Variants in MSRA observed in about 807,000 individuals in gnomAD.
The protein encoded by MSRA is mitochondrial peptide methionine sulfoxide reductase.
A neutral mutation model predicts 31.3 loss-of-function variants in MSRA; 54 were observed. That is an observed-to-expected ratio of 1.73 (90% CI 1.39 to 2.17). MSRA has a LOEUF of 2.17. Ranked by LOEUF, MSRA falls within the 30% of genes most tolerant of loss-of-function variation. MSRA has a pLI of 0.00. For missense variants in MSRA, 507 were observed against 300.9 expected (o/e 1.69, Z -5.07); for synonymous variants, 169 against 116.5 (o/e 1.45, Z -2.90).
In MSRA at chr8:10,364,310, A is replaced by G. The variant is rs950408693; in HGVS notation, c.543+44321A>G. 3.2e-4 allele frequency among the ~76,000 whole-genome samples: 48 copies of G among 152,320 alleles called. 1 individual carries two copies. The highest frequency in any genetic ancestry group is 1.2e-3 in the African/African-American group (48 of 41,572). ...GATAGAATTGTTGCTGTTTTGCAGAATCATCAACACAGGCTCCTGGGGCGT... is the reference window on the plus strand; with the variant it reads ...GATAGAATTGTTGCTGTTTTGCAGAGTCATCAACACAGGCTCCTGGGGCGT... On this transcript the variant is annotated intron_variant, in intron 5 of 5. Coordinates refer to ENST00000317173, the MANE Select transcript of MSRA (RefSeq NM_012331.5).
At chr8:10,281,284 C>T (rs1358676069) in intron 3 of MSRA, among the ~76,000 whole-genome samples, 1 of 152,202 alleles carries the variant, frequency 6.6e-6, no homozygotes, top group South Asian at 2.1e-4. Flanking sequence ...CTCTCTCTCA[C>T]CTCTCCCTCT....
intron 2 of MSRA, among the ~76,000 whole-genome samples, chr8:10,236,030 CAT>C (rs1421866549): frequency 1.3e-5 from 2 of 152,012 alleles, no homozygotes; most frequent in African/African-American, 4.8e-5. Flanking sequence ...GGAGGGAGAA[CAT>C]ATGATCATCT....
chr8:10,057,753 A>G (rs995932306), intron 1 of MSRA, among the ~76,000 whole-genome samples: 3 of 152,054 alleles, frequency 2.0e-5, no homozygotes, highest in Non-Finnish European at 2.9e-5. Context: ...CTTTGTGTGG[A>G]GATGTGCCAG....
chr8:10,350,905 C>T (rs1200450685), intron 5 of MSRA, among the ~76,000 whole-genome samples: 3 of 152,256 alleles, frequency 2.0e-5, no homozygotes, highest in Non-Finnish European at 2.9e-5. Flanking sequence ...AGTCCAAGGC[C>T]GCCAGAGGGC....
intron 5 of MSRA, among the ~76,000 whole-genome samples, chr8:10,322,473 T>A (rs1802099227): frequency 6.6e-6 from 1 of 152,152 alleles, no homozygotes; most frequent in Non-Finnish European, 1.5e-5. Context: ...CAGGTCCAGG[T>A]CATGGCTGGT....
At chr8:10,363,332 G>A (rs1220452348) in intron 5 of MSRA, among the ~76,000 whole-genome samples, 3 of 152,136 alleles carry the variant, frequency 2.0e-5, no homozygotes, top group Non-Finnish European at 2.9e-5. Context: ...AGGAATGGCT[G>A]GAAACACTAT....
At chr8:10,231,374 G>A (rs927933602) in intron 2 of MSRA, among the ~76,000 whole-genome samples, 1 of 152,226 alleles carries the variant, frequency 6.6e-6, no homozygotes, top group Non-Finnish European at 1.5e-5. Flanking sequence ...CTAGGAAAAT[G>A]GTGATGCTGT....
In MSRA at chr8:10,227,574, C is replaced by T. The variant is rs142345387; in HGVS notation, c.212-17530C>T. Among the ~76,000 whole-genome samples the T allele has an allele frequency of 1.2e-3, 187 of 152,186 alleles. 2 individuals are homozygous for T. Among genetic ancestry groups the T allele is most frequent in the African/African-American group, 4.4e-3 (181 of 41,504 alleles). ...ACCTGGTACTCTTCAGAGAATATTC[C>T]CGGGGTTAAGGCTGAAAAATAGCAA... On this transcript the variant is annotated intron_variant, in intron 2 of 5. Coordinates refer to ENST00000317173, the MANE Select transcript of MSRA (RefSeq NM_012331.5).
chr8:10,136,157 A>G (rs1179854560), intron 1 of MSRA, among the ~76,000 whole-genome samples: 1 of 152,210 alleles, frequency 6.6e-6, no homozygotes, highest in Non-Finnish European at 1.5e-5. Flanking sequence ...CTAAGTGATA[A>G]GGGCTTGCAG....
intron 5 of MSRA, among the ~76,000 whole-genome samples, chr8:10,404,781 G>A (rs1219679437): frequency 6.6e-6 from 1 of 152,212 alleles, no homozygotes; most frequent in East Asian, 1.9e-4. Context: ...ATTTCCCCCA[G>A]GCCACCCACC....
At chr8:10,397,980 A>G (rs1053470252) in intron 5 of MSRA, among the ~76,000 whole-genome samples, 1 of 152,188 alleles carries the variant, frequency 6.6e-6, no homozygotes, top group African/African-American at 2.4e-5. Context: ...CTATAACATC[A>G]CCAATATAAA....
chr8:10,399,427 T>G (rs181600597), intron 5 of MSRA, among the ~76,000 whole-genome samples: 1 of 152,308 alleles, frequency 6.6e-6, no homozygotes, highest in East Asian at 1.9e-4. Context: ...CGCCATCTCC[T>G]TGGTGATGAG....
intron 1 of MSRA, among the ~76,000 whole-genome samples, chr8:10,120,103 A>G (rs574207547): frequency 2.0e-5 from 3 of 152,176 alleles, no homozygotes; most frequent in Admixed American, 6.5e-5. Context: ...CCATCAGTGT[A>G]TCCCATTGGC....
intron 3 of MSRA, among the ~76,000 whole-genome samples, chr8:10,277,798 C>T (rs995050702): frequency 6.6e-6 from 1 of 152,088 alleles, no homozygotes; most frequent in Non-Finnish European, 1.5e-5. Context: ...GGAGGTAATG[C>T]ATATGCTCAT....
intron 5 of MSRA, among the ~76,000 whole-genome samples, chr8:10,329,958 G>A (rs993448626): frequency 3.3e-5 from 5 of 149,940 alleles, no homozygotes; most frequent in Admixed American, 3.3e-4. Context: ...AATAACAGTA[G>A]AAAAAAATAA....
intron 2 of MSRA, among the ~76,000 whole-genome samples, chr8:10,217,021 C>T (rs1046237785): frequency 6.6e-6 from 1 of 152,184 alleles, no homozygotes; most frequent in Admixed American, 6.5e-5. Context: ...TTCCCACCAG[C>T]GAACCACAAG....
intron 3 of MSRA, among the ~76,000 whole-genome samples, chr8:10,252,935 T>C (rs1310475955): frequency 2.0e-5 from 3 of 152,220 alleles, no homozygotes; most frequent in Non-Finnish European, 2.9e-5. Flanking sequence ...TCATGTGGTC[T>C]CTCATACTCA....
intron 1 of MSRA, among the ~76,000 whole-genome samples, chr8:10,150,237 G>A (rs1371681214): frequency 1.3e-5 from 2 of 152,034 alleles, no homozygotes; most frequent in Non-Finnish European, 2.9e-5. Context: ...TGAAGGAAGT[G>A]GGTGAGAGAG....
chr8:10,269,563 C>G (rs940678532), intron 3 of MSRA, among the ~76,000 whole-genome samples: 1 of 152,208 alleles, frequency 6.6e-6, no homozygotes, highest in African/African-American at 2.4e-5. Flanking sequence ...GTGTCAAATG[C>G]GTGGGATTCA....
Sources: allele counts gnomAD v4.1 joint callset (sites outside exome capture counted in the v4.1 genomes callset), GRCh38; gene constraint gnomAD v4.1.1; transcripts MANE v1.5; gene names NCBI Gene and HGNC (gene_info 2026-07-23, HGNC 2026-07-21).